Variants in YWHAZ observed in about 807,000 individuals in gnomAD.
The protein encoded by YWHAZ is 14-3-3 protein zeta/delta.
For synonymous variants in YWHAZ, 87 were observed against 103.6 expected (o/e 0.84, Z 0.97); for missense variants, 79 against 284.8 (o/e 0.28, Z 5.20).
chr8:100,946,482 C>T (rs903262035), intron 2 of YWHAZ, among the ~76,000 whole-genome samples: 7 of 152,058 alleles, frequency 4.6e-5, no homozygotes, highest in African/African-American at 1.4e-4. Context: ...ACACGGGAGG[C>T]GGAAGTTGCA....
intron 5 of YWHAZ, among the ~76,000 whole-genome samples, chr8:100,921,368 A>G (rs948088044): frequency 2.6e-5 from 4 of 152,222 alleles, no homozygotes; most frequent in Non-Finnish European, 5.9e-5. Context: ...AATAGGTGTC[A>G]GAACCTAAAG....
intron 2 of YWHAZ, chr8:100,931,940 G>GA (rs566275034): frequency 3.3e-5 from 5 of 151,978 alleles, no homozygotes; most frequent in Admixed American, 6.6e-5. Context: ...AAGAACAAAA[G>GA]AAAAAAAGAA....
chr8:100,950,377 A>T, intron 1 of YWHAZ: 6 of 985,512 alleles, frequency 6.1e-6, no homozygotes, highest in Non-Finnish European at 7.2e-6. Flanking sequence ...CACTGCGGGC[A>T]GGACTCACCG....
Position 100,918,842 on chromosome 8 carries a change from T to C in YWHAZ, c.*1851A>G, listed in dbSNP as rs1276027837. On this transcript the variant is annotated 3_prime_UTR_variant, in exon 6 of 6. Coordinates refer to ENST00000395958, the MANE Select transcript of YWHAZ (RefSeq NM_145690.3). ...TTCTAAAAGAAAAAATACACCTTTT[T>C]TAAAATGGCATTTTTGTTTGGTGTT... is the stretch of plus-strand genomic sequence containing the variant. 6.6e-6 allele frequency: 1 copy of C among 152,604 alleles called. No individual in the cohort carries two copies. Among genetic ancestry groups the C allele is most frequent in the Admixed American group, 6.5e-5 (1 of 15,274 alleles). 9.5% of individuals were successfully genotyped at this position (152,604 alleles called of 1,614,324 possible). A position where few individuals can be genotyped will look rare whatever the true frequency, so the allele number is the denominator to read the frequency against.
chr8:100,936,805 AAAACAAAC>A (rs943654391), intron 2 of YWHAZ, among the ~76,000 whole-genome samples: 3 of 152,152 alleles, frequency 2.0e-5, no homozygotes, highest in Non-Finnish European at 4.4e-5. Flanking sequence ...ACTCCATCTC[AAAACAAAC>A]AAACAAACAA....
Position 100,948,540 on chromosome 8 carries a change from A to G in YWHAZ, c.294+56T>C. On this transcript the variant is annotated intron_variant, in intron 2 of 5. Coordinates refer to ENST00000395958, the MANE Select transcript of YWHAZ (RefSeq NM_145690.3). The surrounding 1 kb of genome is among the most constrained non-coding windows in gnomAD (Gnocchi z 4.2). The stretch of plus-strand genomic sequence containing the variant: ...CAAACAAAAAGTTAAGAGTAATGTA[A>G]CTGATACTCATAGGGACCCTACAGT... The G allele has an allele frequency of 6.5e-7, 1 of 1,535,440 alleles. No homozygotes were observed. The highest frequency in any genetic ancestry group is 1.2e-5 in the South Asian group (1 of 81,416).
At chr8:100,950,612 G>A in intron 1 of YWHAZ, 2 of 983,098 alleles carry the variant, frequency 2.0e-6, no homozygotes, top group Middle Eastern at 5.2e-4. Context: ...TCCTCCCCCC[G>A]ACCGGAGCCA....
chr8:100,951,801 C>T (rs950138404), intron 1 of YWHAZ, 128 bp downstream of exon 1: 2 of 985,192 alleles, frequency 2.0e-6, no homozygotes, highest in African/African-American at 3.5e-5. Flanking sequence ...TGAGGAGACT[C>T]CGCCTCAGCC....
chr8:100,933,358 C>CAA (rs35225207), intron 2 of YWHAZ, among the ~76,000 whole-genome samples: 76 of 141,966 alleles, frequency 5.4e-4, no homozygotes, highest in Middle Eastern at 3.6e-3. Context: ...GCCTCCGTCT[C>CAA]AAAAAAAAAA....
chr8:100,937,994 G>A (rs1243671192), intron 2 of YWHAZ, among the ~76,000 whole-genome samples: 1 of 152,174 alleles, frequency 6.6e-6, no homozygotes, highest in East Asian at 1.9e-4. Flanking sequence ...GCTGGGCGTG[G>A]TGGCGCATGC....
intron 2 of YWHAZ, among the ~76,000 whole-genome samples, chr8:100,927,650 TA>T (rs1315179337): frequency 6.6e-6 from 1 of 152,234 alleles, no homozygotes; most frequent in South Asian, 2.1e-4. Flanking sequence ...ACTTAAGATG[TA>T]AAATTTTAAA....
chr8:100,951,711 G>T (rs1032943240), intron 1 of YWHAZ: 7 of 985,428 alleles, frequency 7.1e-6, no homozygotes, highest in Non-Finnish European at 2.4e-6. Flanking sequence ...CCGGGGCGTC[G>T]ATGCGGAAGC....
At chr8:100,953,079 T>C (rs1810917185), upstream of YWHAZ, 1 of 994,432 alleles carries the variant, frequency 1.0e-6, no homozygotes, top group African/African-American at 1.7e-5. Context: ...CGCGGCCGCT[T>C]TAGGGAAGCC....
intron 2 of YWHAZ, among the ~76,000 whole-genome samples, chr8:100,932,709 G>A (rs1813841342): frequency 6.6e-6 from 1 of 152,030 alleles, no homozygotes; most frequent in Non-Finnish European, 1.5e-5. Context: ...GAAGAAAAAA[G>A]TGTTCCATAA....
chr8:100,930,634 TGTAA>T lies in YWHAZ; in HGVS notation c.295-5599_295-5596del, dbSNP rs568378743. ...TCCTCAGTTTACTTCAAAATGTGGA[TGTAA>T]GTTTTACTTTTTTCCCTCCCATTAA... On this transcript the variant is annotated intron_variant, in intron 2 of 5. Transcript: ENST00000395958. 1.2e-4 allele frequency among the ~76,000 whole-genome samples: 18 copies of T among 152,358 alleles called. No homozygotes were observed. In the South Asian group the frequency reaches 3.5e-3, roughly 30 times the overall value.
At chr8:100,941,822 A>C (rs1179547539) in intron 2 of YWHAZ, among the ~76,000 whole-genome samples, 2 of 126,462 alleles carry the variant, frequency 1.6e-5, no homozygotes, top group East Asian at 2.6e-4. Flanking sequence ...AAAAAAAAAA[A>C]AAACATCTCT....
At chr8:100,951,031 A>T in intron 1 of YWHAZ, 1 of 360,542 alleles carries the variant, frequency 2.8e-6, no homozygotes, top group Non-Finnish European at 3.9e-6. Context: ...CTGGACTTGC[A>T]GCCCCCGTCC....
intron 1 of YWHAZ, chr8:100,950,625 G>A (rs1428391628): frequency 2.0e-6 from 2 of 986,184 alleles, no homozygotes; most frequent in Non-Finnish European, 2.4e-6. Context: ...CGGAGCCAGA[G>A]GGAGGAGCAG....
At chr8:100,920,894 A>T (rs1354169181) in intron 5 of YWHAZ, 142 bp from the exon 6 acceptor site, 1 of 735,334 alleles carries the variant, frequency 1.4e-6, no homozygotes, top group Non-Finnish European at 2.3e-6. Flanking sequence ...GCTTCAAGAT[A>T]CAAAAACATC....
Sources: allele counts gnomAD v4.1 joint callset (sites outside exome capture counted in the v4.1 genomes callset), GRCh38; gene constraint gnomAD v4.1.1; non-coding constraint Gnocchi (gnomAD v3.1); transcripts MANE v1.5; gene names NCBI Gene and HGNC (gene_info 2026-07-23, HGNC 2026-07-21).